Variants in PARP2 observed in about 807,000 individuals in gnomAD.
The protein encoded by PARP2 is poly [ADP-ribose] polymerase 2.
In PARP2, 57 loss-of-function variants were observed where a neutral mutation model predicts 77.8. That is an observed-to-expected ratio of 0.73 (90% CI 0.59 to 0.91). The LOEUF (loss-of-function observed/expected upper bound fraction) is 0.91, where lower values mean the gene tolerates loss of function less well. PARP2 is among the 40% of genes least tolerant of loss of function. The pLI is 0.00. For synonymous variants in PARP2, 226 were observed against 242.6 expected (o/e 0.93, Z 0.64); for missense variants, 651 against 689.0 (o/e 0.94, Z 0.62).
intron 7 of PARP2, 73 bp downstream of exon 7, chr14:20,352,420 C>T (rs1206028483): frequency 2.2e-6 from 2 of 913,908 alleles, no homozygotes; most frequent in African/African-American, 1.7e-5. Context: ...CAAAACTGTG[C>T]TCTGTTGCCC....
chr14:20,347,358 A>G (rs190814612), intron 4 of PARP2, among the ~76,000 whole-genome samples: 1,284 of 8,812 alleles, frequency 0.15, 14 homozygotes, highest in Middle Eastern at 0.17. Flanking sequence ...GTGTGTGTGT[A>G]TATATATATA....
chr14:20,345,365 T>C (rs1489270582), intron 2 of PARP2, 29 bp from the exon 3 acceptor site: 1 of 1,582,488 alleles, frequency 6.3e-7, no homozygotes, highest in Admixed American at 1.7e-5. Flanking sequence ...TTGATTCCCA[T>C]AAAGTAGTAC....
At chr14:20,356,069 C>T (rs1338230091) in intron 11 of PARP2, 38 bp downstream of exon 11, 2 of 1,601,076 alleles carry the variant, frequency 1.2e-6, no homozygotes, top group Admixed American at 3.4e-5. Context: ...ATTCTTGCAC[C>T]CTTAACCACC....
chr14:20,347,373 T>C (rs1378538793), intron 4 of PARP2, among the ~76,000 whole-genome samples: 3 of 23,472 alleles, frequency 1.3e-4, no homozygotes, highest in Non-Finnish European at 1.6e-4. Flanking sequence ...TATATATATA[T>C]ATATATATAT....
chr14:20,345,350 T>C (rs1204138481), intron 2 of PARP2, 44 bp from the exon 3 acceptor site: 2 of 1,499,784 alleles, frequency 1.3e-6, no homozygotes, highest in Admixed American at 3.5e-5. Context: ...CCACAACAGC[T>C]GTTTTTGATT....
rs771071635 is a variant in PARP2, at chr14:20,345,463, A to G, written c.272A>G (p.Lys91Arg). The change falls in exon 3 of 16, where the codon AAG (lysine) becomes AGG (arginine). Residue 91 changes from lysine to arginine, a missense_variant and splice_region_variant. By Grantham distance (26) the Lys-to-Arg change is conservative. Coordinates refer to ENST00000429687, the MANE Select transcript of PARP2 (RefSeq NM_001042618.2). ...VDPECTAKVG[K>R]AHVYCEGNDV... ...CCAGAGTGTACAGCCAAGGTGGGGA[A>G]GGTAAGAGACTCTGGAACCGATCTT... 10 of 1,611,414 alleles carry G rather than the reference A, an allele frequency of 6.2e-6. No homozygotes were observed. Among genetic ancestry groups the G allele is most frequent in the Admixed American group, 1.7e-5 (1 of 59,990 alleles).
At chr14:20,343,910 C>A (rs950716501) in intron 1 of PARP2, among the ~76,000 whole-genome samples, 2 of 152,160 alleles carry the variant, frequency 1.3e-5, no homozygotes, top group Non-Finnish European at 2.9e-5. Flanking sequence ...TGTGCCAGTA[C>A]TGTTGTTAAT....
intron 7 of PARP2, chr14:20,352,568 T>TTTTG (rs10695113): frequency 6.7e-6 from 2 of 297,114 alleles, no homozygotes; most frequent in South Asian, 8.0e-5. Flanking sequence ...CTTTTTTTTT[T>TTTTG]GTAAAGATGA....
At chr14:20,348,541 A>C (rs1377743715) in intron 4 of PARP2, among the ~76,000 whole-genome samples, 1 of 151,858 alleles carries the variant, frequency 6.6e-6, no homozygotes, top group African/African-American at 2.4e-5. Context: ...CTTTCTTTTT[A>C]ATCAACCTTT....
At chr14:20,357,220 C>T (rs1226041313) in intron 14 of PARP2, 71 bp downstream of exon 14, 2 of 1,375,506 alleles carry the variant, frequency 1.5e-6, no homozygotes, top group East Asian at 2.3e-5. Flanking sequence ...AAAGTTTGAC[C>T]CCAGAACCAA....
intron 12 of PARP2, 34 bp from the exon 13 acceptor site, chr14:20,356,556 A>G: frequency 6.3e-7 from 1 of 1,598,732 alleles, no homozygotes; most frequent in Non-Finnish European, 8.6e-7. Context: ...TCTGTGCAGA[A>G]CAACAGAGTA....
intron 7 of PARP2, 43 bp downstream of exon 7, chr14:20,352,390 T>C (rs1484441651): frequency 3.2e-6 from 4 of 1,249,900 alleles, no homozygotes; most frequent in Non-Finnish European, 4.7e-6. Flanking sequence ...ATCTTCTTTT[T>C]TTATTTTATT....
chr14:20,345,152 CTTG>C, intron 2 of PARP2, 65 bp downstream of exon 2: 2 of 1,557,026 alleles, frequency 1.3e-6, no homozygotes, highest in South Asian at 1.1e-5. Flanking sequence ...GGGATGATAT[CTTG>C]TTATTTCAAC....
chr14:20,346,123 C>T (rs1330588069), intron 3 of PARP2, among the ~76,000 whole-genome samples: 3 of 152,122 alleles, frequency 2.0e-5, no homozygotes, highest in Non-Finnish European at 4.4e-5. Context: ...CAAACTATAT[C>T]ACATGCGTAC....
intron 11 of PARP2, 71 bp downstream of exon 11, chr14:20,356,102 A>G (rs936221679): frequency 3.9e-6 from 6 of 1,544,830 alleles, no homozygotes; most frequent in Non-Finnish European, 5.3e-6. Flanking sequence ...CTGTTCTCTA[A>G]CTACTTCTTG....
chr14:20,343,914 T>A (rs1374860220), intron 1 of PARP2, among the ~76,000 whole-genome samples: 1 of 152,194 alleles, frequency 6.6e-6, no homozygotes, highest in Non-Finnish European at 1.5e-5. Flanking sequence ...CCAGTACTGT[T>A]GTTAATACCT....
chr14:20,349,134 T>C (rs1381646035), intron 4 of PARP2, among the ~76,000 whole-genome samples: 1 of 152,050 alleles, frequency 6.6e-6, no homozygotes, highest in Non-Finnish European at 1.5e-5. Flanking sequence ...AGGTGTGAGT[T>C]CAAGATCAGC....
chr14:20,356,559 A>G, intron 12 of PARP2, 31 bp from the exon 13 acceptor site: 1 of 1,603,710 alleles, frequency 6.2e-7, no homozygotes, highest in Non-Finnish European at 8.5e-7. Context: ...GTGCAGAACA[A>G]CAGAGTACAA....
intron 9 of PARP2, 191 bp from the exon 10 acceptor site, chr14:20,355,561 G>A (rs1309427067): frequency 1.1e-5 from 5 of 438,756 alleles, no homozygotes; most frequent in Admixed American, 7.6e-5. Context: ...ATCTTATACC[G>A]AGTATATATT....
Sources: gnomAD v4.1 joint callset for allele counts (sites outside exome capture counted in the v4.1 genomes callset) on GRCh38, gnomAD v4.1.1 for gene constraint, MANE v1.5 for transcripts, NCBI Gene and HGNC (gene_info 2026-07-23, HGNC 2026-07-21) for gene names.